The following CFAP46 variants were observed in gnomAD, a reference collection of about 807,000 sequenced individuals.
CFAP46 encodes the protein cilia- and flagella-associated protein 46.
In CFAP46, 245 loss-of-function variants were observed where a neutral mutation model predicts 325.7. The observed-to-expected ratio is 0.75, with a 90% CI of 0.68 to 0.84. CFAP46 has a LOEUF of 0.84. Ranked by LOEUF, CFAP46 falls within the 40% of genes least tolerant of loss-of-function variation. The probability of loss-of-function intolerance (pLI) is 0.00; values close to 1 mark genes in which losing one functional copy is unlikely to be tolerated. For synonymous variants in CFAP46, 1,523 were observed against 1,495.9 expected, an observed-to-expected ratio of 1.02 and a Z score of -0.42; for missense variants, 3,346 against 3,543.0, an observed-to-expected ratio of 0.94 and a Z score of 1.41.
chr10:132,839,190 A>T (rs1228715290), intron 44 of CFAP46, among the ~76,000 whole-genome samples: 1 of 152,070 alleles, frequency 6.6e-6, no homozygotes, highest in Non-Finnish European at 1.5e-5. Context: ...GGTGAACAGA[A>T]CTTCTGAATT....
Position 132,912,574 on chromosome 10 carries a change from C to CCTCTCTCTCTCTTCACCT in CFAP46, c.2499+80_2499+81insAGGTGAAGAGAGAGAGAG, listed in dbSNP as rs56735878. 92 of 1,310,732 alleles carry CCTCTCTCTCTCTTCACCT rather than the reference C, an allele frequency of 7.0e-5. 1 individual carries two copies. Among genetic ancestry groups the CCTCTCTCTCTCTTCACCT allele is most frequent in the Middle Eastern group, 3.9e-4 (2 of 5,140 alleles). 81.2% of individuals were successfully genotyped at this position (1,310,732 alleles called of 1,614,324 possible). A position where few individuals can be genotyped will look rare whatever the true frequency, so the allele number is the denominator to read the frequency against. On this transcript the variant is annotated intron_variant, in intron 19 of 57. Transcript: ENST00000368586. ...CTCTCTTCACCTCTCTCCTCTTTCA[C>CCTCTCTCTCTCTTCACCT]CTCTCCTCTCCTCTCTCTCTCTCCT...
chr10:132,834,647 C>G lies in CFAP46; in HGVS notation c.6866+7G>C, dbSNP rs1211862664. 6.2e-7 allele frequency: 1 copy of G among 1,613,086 alleles called. No individual in the cohort carries two copies. Among genetic ancestry groups the G allele is most frequent in the South Asian group, 1.1e-5 (1 of 90,990 alleles). On this transcript the variant is annotated splice_region_variant and intron_variant, in intron 48 of 57. Transcript: ENST00000368586. ...TGGGGTGCCAGCCTCAACGTCATCC[C>G]CAGTACCTGGCCTTGGAGAGGCTGA...
At chr10:132,860,667 G>A in intron 36 of CFAP46, 115 bp downstream of exon 36, 5 of 1,258,730 alleles carry the variant, frequency 4.0e-6, no homozygotes, top group Non-Finnish European at 5.6e-6. Flanking sequence ...GGGCAGGGAT[G>A]GATCCAGGCG....
At chr10:132,930,628 T>TA (rs1849882459) in intron 8 of CFAP46, among the ~76,000 whole-genome samples, 1 of 63,296 alleles carries the variant, frequency 1.6e-5, no homozygotes, top group Non-Finnish European at 3.1e-5. Context: ...TGGGCCTCCC[T>TA]CCTCTCCACA....
intron 44 of CFAP46, among the ~76,000 whole-genome samples, chr10:132,839,303 A>G (rs1366249502): frequency 2.0e-5 from 3 of 152,228 alleles, no homozygotes; most frequent in Admixed American, 6.5e-5. Context: ...CAAGGGACAC[A>G]GCCCTGGGCC....
At chr10:132,822,087 G>T (rs1398892416) in intron 50 of CFAP46, among the ~76,000 whole-genome samples, 2 of 145,292 alleles carry the variant, frequency 1.4e-5, no homozygotes, top group Non-Finnish European at 3.0e-5. Flanking sequence ...GTGCAGTGAT[G>T]TGTGCTGTGT....
chr10:132,825,646 T>C (rs1174097767), intron 50 of CFAP46, among the ~76,000 whole-genome samples: 4 of 152,194 alleles, frequency 2.6e-5, no homozygotes, highest in African/African-American at 7.2e-5. Context: ...AACATTAAAA[T>C]ATTTTGTTCA....
intron 28 of CFAP46, 57 bp from the exon 29 acceptor site, chr10:132,879,688 C>T: frequency 7.0e-7 from 1 of 1,426,992 alleles, no homozygotes; most frequent in Non-Finnish European, 9.2e-7. Flanking sequence ...CTGTGGGCCC[C>T]AGGCCACTCC....
chr10:132,882,675 A>C (rs1385132255), intron 27 of CFAP46, among the ~76,000 whole-genome samples: 2 of 151,936 alleles, frequency 1.3e-5, no homozygotes, highest in African/African-American at 4.8e-5. Context: ...ACGTGCAGTG[A>C]GATCAGATGG....
chr10:132,864,863 C>G (rs1276307549), intron 35 of CFAP46, among the ~76,000 whole-genome samples: 2 of 133,298 alleles, frequency 1.5e-5, no homozygotes, highest in African/African-American at 5.1e-5. Flanking sequence ...GAGACCTGCA[C>G]ACACCTGTCC....
intron 5 of CFAP46, among the ~76,000 whole-genome samples, chr10:132,938,262 T>C (rs1030610738): frequency 5.9e-5 from 9 of 152,244 alleles, no homozygotes; most frequent in African/African-American, 2.2e-4. Context: ...AAACGTCTAC[T>C]GCGTTACCAT....
chr10:132,928,708 G>A (rs1849846944), intron 9 of CFAP46, among the ~76,000 whole-genome samples: 1 of 152,120 alleles, frequency 6.6e-6, no homozygotes, highest in Non-Finnish European at 1.5e-5. Flanking sequence ...GCATCCGAGG[G>A]TCCCCCTTCT....
chr10:132,814,721 G>T lies in CFAP46; in HGVS notation c.7214C>A (p.Pro2405His), dbSNP rs927113527. The T allele has an allele frequency of 4.3e-6, 7 of 1,612,688 alleles. No individual in the cohort carries two copies. In the African/African-American group the frequency reaches 6.7e-5, roughly 15 times the overall value. ...RKGSIPRTIP[P>H]DCIIVDSDNF... ...GTCTGAGTCGACTATGATGCAGTCA[G>T]GGGGGATGGTCCGGGGGATGCTGCC... The change falls in exon 52 of 58, where the codon CCT becomes CAT. Residue 2405 changes from proline (P) to histidine (H), a missense_variant. Transcript: ENST00000368586.
chr10:132,877,931 C>G lies in CFAP46; in HGVS notation c.4162G>C (p.Glu1388Gln), dbSNP rs781021888. Residue 1388 changes from glutamate (E) to glutamine (Q), a missense_variant, in exon 30 of 58, where the codon GAG (glutamate) becomes CAG (glutamine). Physicochemically the swap from Glu to Gln is conservative, Grantham distance 29. Transcript: ENST00000368586. This position sits in a 1 kb window ranked among gnomAD's most constrained non-coding sequence, Gnocchi z 5.7. The stretch of plus-strand genomic sequence containing the variant: ...TCCTTTCCCTTCTCCTTGTCCTTCT[C>G]TTTACTCCTCTCATTCTCCTTCTCT... ...SKEKENERSK[E>Q]KDKEKGKEEK... 5 of 1,550,288 alleles carry G rather than the reference C, an allele frequency of 3.2e-6. No homozygotes were observed. The South Asian group carries it at 5.9e-5, about 18-fold the overall frequency.
chr10:132,931,333 T>C (rs2135689717), intron 8 of CFAP46, among the ~76,000 whole-genome samples: 1 of 91,350 alleles, frequency 1.1e-5, no homozygotes, highest in African/African-American at 4.4e-5. Flanking sequence ...AGCCTGGGCC[T>C]TCCCCACACT....
chr10:132,878,465 C>T (rs145753277), intron 29 of CFAP46, among the ~76,000 whole-genome samples: 252 of 152,288 alleles, frequency 1.7e-3, no homozygotes, highest in African/African-American at 5.1e-3. Context: ...ACGCTAGGCA[C>T]GCCTCCTTGG....
chr10:132,834,182 T>C (rs1007241303), intron 48 of CFAP46, 59 bp from the exon 49 acceptor site: 3 of 1,497,028 alleles, frequency 2.0e-6, no homozygotes, highest in African/African-American at 1.4e-5. Context: ...GCTTGGAATA[T>C]AGGCGACACC....
chr10:132,916,044 G>A (rs944921819), intron 17 of CFAP46, among the ~76,000 whole-genome samples: 6 of 152,210 alleles, frequency 3.9e-5, no homozygotes, highest in Non-Finnish European at 7.3e-5. Context: ...CAAATCCTGT[G>A]AGATGTTCTG....
rs1222696426 is a variant in CFAP46 at position 132,886,248 on chromosome 10, AAC to A, written c.3305-291_3305-290del. On this transcript the variant is annotated intron_variant, in intron 25 of 57. Coordinates refer to ENST00000368586, the MANE Select transcript of CFAP46 (RefSeq NM_001200049.3). This position sits in a 1 kb window ranked among gnomAD's most constrained non-coding sequence, Gnocchi z 5.8. ...CTCCTTGGAGAATTCTGCGTTCACAAACACAGACCTGTGTTTCCACGTATTAA... is the reference window on the plus strand; with the variant it reads ...CTCCTTGGAGAATTCTGCGTTCACAAACAGACCTGTGTTTCCACGTATTAA... 5.9e-5 allele frequency among the ~76,000 whole-genome samples: 9 copies of A among 152,210 alleles called. No homozygotes were observed. Among genetic ancestry groups the A allele is most frequent in the South Asian group, 2.1e-4 (1 of 4,822 alleles).
Sources: allele counts gnomAD v4.1 joint callset (sites outside exome capture counted in the v4.1 genomes callset), GRCh38; gene constraint gnomAD v4.1.1; non-coding constraint Gnocchi (gnomAD v3.1); transcripts MANE v1.5; gene names NCBI Gene and HGNC (gene_info 2026-07-23, HGNC 2026-07-21).